Variants in MROH7 observed in about 807,000 individuals in gnomAD.
MROH7 encodes the protein maestro heat-like repeat-containing protein family member 7.
In MROH7, 113 loss-of-function variants were observed where a neutral mutation model predicts 129.2. The ratio of observed to expected loss-of-function variants is 0.87; its 90% CI spans 0.75 to 1.02. The LOEUF (loss-of-function observed/expected upper bound fraction) is 1.02. MROH7 is among the 50% of genes least tolerant of loss of function. MROH7 has a pLI of 0.00. For missense variants in MROH7, 1,601 were observed against 1,671.3 expected (o/e 0.96, Z 0.73); for synonymous variants, 655 against 667.9 (o/e 0.98, Z 0.30).
intron 12 of MROH7, 83 bp from the exon 13 acceptor site, chr1:54,679,808 C>T: frequency 1.5e-6 from 2 of 1,376,384 alleles, no homozygotes; most frequent in South Asian, 1.3e-5. Flanking sequence ...CTGTCACCCC[C>T]TTCCCTCTCC....
chr1:54,692,276 C>A (rs998770866), intron 15 of MROH7, 148 bp from the exon 16 acceptor site: 2 of 941,482 alleles, frequency 2.1e-6, no homozygotes, highest in Non-Finnish European at 3.2e-6. Context: ...TTGTAAAAAG[C>A]CACCCTTTGT....
In MROH7 at chr1:54,670,786, T is replaced by C. The variant is rs1320155326; in HGVS notation, c.1470-14T>C. 9.9e-6 allele frequency: 16 copies of C among 1,612,948 alleles called. No individual in the cohort carries two copies. Among genetic ancestry groups the C allele is most frequent in the Non-Finnish European group, 1.4e-5 (16 of 1,179,538 alleles). On this transcript the variant is annotated splice_polypyrimidine_tract_variant and intron_variant, in intron 6 of 23. Transcript: ENST00000421030. ...TCTCTCACTCCATTTCTTTGCTTTC[T>C]GCCTCTTCTCCAGCCACACCCAGCC...
At chr1:54,661,458 C>T (rs533238684) in intron 3 of MROH7, among the ~76,000 whole-genome samples, 7 of 152,100 alleles carry the variant, frequency 4.6e-5, no homozygotes, top group Non-Finnish European at 7.4e-5. Flanking sequence ...GTGATCTGCC[C>T]ACCTCGGCCT....
chr1:54,672,175 G>T (rs1295214906), intron 7 of MROH7, among the ~76,000 whole-genome samples: 1 of 151,994 alleles, frequency 6.6e-6, no homozygotes, highest in Non-Finnish European at 1.5e-5. Context: ...GAAAAAAGGA[G>T]GCCGCCCTCT....
intron 21 of MROH7, among the ~76,000 whole-genome samples, chr1:54,705,931 C>T (rs891649846): frequency 6.6e-6 from 1 of 152,186 alleles, no homozygotes; most frequent in Non-Finnish European, 1.5e-5. Context: ...TCAAAGCCAT[C>T]GTGACTACCT....
In MROH7 at chr1:54,670,830, GA is replaced by G. The variant is rs1557704224; in HGVS notation, c.1501del (p.Arg501GlyfsTer5). The G allele has an allele frequency of 1.1e-5, 17 of 1,614,008 alleles. No individual in the cohort carries two copies. The highest frequency in any genetic ancestry group is 1.7e-5 in the Admixed American group (1 of 59,994). On this transcript the variant is annotated frameshift_variant, in exon 7 of 24. Coordinates refer to ENST00000421030, the MANE Select transcript of MROH7 (RefSeq NM_001039464.4). LOFTEE classifies it high-confidence loss of function. ...HTQPTLGMRERSELVNVCVHS... is the reference protein window; with the variant it reads ...HTQPTLGMREXSELVNVCVHS... ...CCCAGCCCACCCTGGGCATGCGGGA[GA>G]GGTCGGAGCTGGTGAACGTGTGTGT...
intron 15 of MROH7, among the ~76,000 whole-genome samples, chr1:54,691,919 A>C (rs1386448120): frequency 1.7e-5 from 2 of 118,968 alleles, no homozygotes; most frequent in Admixed American, 1.2e-4. Context: ...GTGCGGTGCC[A>C]GGCATACAGT....
intron 13 of MROH7, among the ~76,000 whole-genome samples, chr1:54,681,247 T>A (rs1055316610): frequency 6.6e-6 from 1 of 152,140 alleles, no homozygotes; most frequent in Non-Finnish European, 1.5e-5. Context: ...TAGGAGCTGG[T>A]CTCTTGGGCC....
In MROH7 at chr1:54,670,735, G is replaced by GC. The variant is rs921840614; in HGVS notation, c.1470-60dup. On this transcript the variant is annotated intron_variant, in intron 6 of 23. Coordinates refer to ENST00000421030, the MANE Select transcript of MROH7 (RefSeq NM_001039464.4). ...CCCAGTCCCTGTGCTCCTCAGCTCA[G>GC]CCCCCGTCTATAGCCATAGGGCCCC... 2.0e-6 allele frequency: 3 copies of GC among 1,488,172 alleles called. No individual in the cohort carries two copies. In the African/African-American group the frequency reaches 4.6e-5, roughly 23 times the overall value. The allele number at this position is 1,488,172 out of a possible 1,614,324, so 92.2% of individuals were successfully genotyped here. A position where few individuals can be genotyped will look rare whatever the true frequency, so the allele number is the denominator to read the frequency against.
intron 3 of MROH7, among the ~76,000 whole-genome samples, chr1:54,654,694 T>G (rs1204937310): frequency 2.6e-5 from 4 of 151,796 alleles, no homozygotes; most frequent in African/African-American, 4.8e-5. Context: ...AAAAAATCAC[T>G]GTATAATACT....
In MROH7 at chr1:54,653,049, G is replaced by A. The variant is rs758045075; in HGVS notation, c.123G>A (p.Met41Ile). The change falls in exon 3 of 24, where the codon ATG (methionine) becomes ATA (isoleucine). Residue 41 changes from methionine (M) to isoleucine (I), a missense_variant. Physicochemically the swap from Met to Ile is conservative, Grantham distance 10. Coordinates refer to ENST00000421030, the MANE Select transcript of MROH7 (RefSeq NM_001039464.4). ...CCATCCCTCAGCCCCACCCAGACAT[G>A]GCTCAGGTGCCTATGTTGAATCTGC... is the stretch of plus-strand genomic sequence containing the variant. ...SGTIPQPHPDMAQVPMLNLLP... is the reference protein window; with the variant it reads ...SGTIPQPHPDIAQVPMLNLLP... 1 of 1,614,078 alleles carries A rather than the reference G, an allele frequency of 6.2e-7. No homozygotes were observed. Among genetic ancestry groups the A allele is most frequent in the Non-Finnish European group, 8.5e-7 (1 of 1,180,034 alleles).
chr1:54,653,274 C>T lies in MROH7; in HGVS notation c.348C>T (p.Asp116=), dbSNP rs1389286498. ...DLDSKDVSRP[D]SQGRLCPASN... is the part of the protein sequence containing the mutation. ...ATTCCAAGGATGTCTCAAGGCCTGA[C>T]TCACAGGGGCGCCTCTGTCCAGCCT... Residue 116 remains aspartate, a synonymous_variant, in exon 3 of 24, where the codon GAC becomes GAT. Coordinates refer to ENST00000421030, the MANE Select transcript of MROH7 (RefSeq NM_001039464.4). 2.3e-5 allele frequency: 37 copies of T among 1,614,190 alleles called. No homozygotes were observed. Among genetic ancestry groups the T allele is most frequent in the Non-Finnish European group, 3.1e-5 (36 of 1,180,038 alleles).
chr1:54,678,092 G>A (rs1277863765), intron 10 of MROH7, among the ~76,000 whole-genome samples: 2 of 152,184 alleles, frequency 1.3e-5, no homozygotes, highest in Admixed American at 6.5e-5. Context: ...GGGAACTCTC[G>A]TGCACTGCTG....
intron 13 of MROH7, among the ~76,000 whole-genome samples, chr1:54,682,234 G>T (rs1645081688): frequency 6.7e-6 from 1 of 148,248 alleles, no homozygotes; most frequent in Admixed American, 6.8e-5. Flanking sequence ...GCGTGATCTT[G>T]GTTCACTGCA....
chr1:54,665,999 C>T (rs1212986374), intron 4 of MROH7, among the ~76,000 whole-genome samples: 2 of 152,254 alleles, frequency 1.3e-5, no homozygotes, highest in East Asian at 3.8e-4. Context: ...GTTCCTGCCA[C>T]ACTGGCCTTT....
intron 10 of MROH7, among the ~76,000 whole-genome samples, chr1:54,675,596 G>A (rs1369010496): frequency 4.3e-5 from 6 of 138,894 alleles, no homozygotes; most frequent in African/African-American, 1.6e-4. Flanking sequence ...GGCTCGGGAC[G>A]CTGCCTTTTT....
intron 17 of MROH7, 184 bp from the exon 18 acceptor site, chr1:54,700,137 T>A (rs889181097): frequency 1.3e-6 from 1 of 783,856 alleles, no homozygotes; most frequent in Non-Finnish European, 2.2e-6. Flanking sequence ...AGTGACACAC[T>A]CAGCTTTGCC....
intron 3 of MROH7, chr1:54,659,163 C>A (rs557035065): frequency 5.0e-6 from 2 of 400,246 alleles, no homozygotes; most frequent in South Asian, 1.9e-5. Context: ...GGTGCGATCT[C>A]GGCTCACTGC....
intron 3 of MROH7, among the ~76,000 whole-genome samples, chr1:54,654,553 A>G (rs1338756452): frequency 1.3e-5 from 2 of 152,236 alleles, no homozygotes; most frequent in East Asian, 3.9e-4. Flanking sequence ...CATGCCTGTA[A>G]TCCCAGCTAC....
Sources: gnomAD v4.1 joint callset for allele counts (sites outside exome capture counted in the v4.1 genomes callset) on GRCh38, gnomAD v4.1.1 for gene constraint, MANE v1.5 for transcripts, NCBI Gene and HGNC (gene_info 2026-07-23, HGNC 2026-07-21) for gene names.